Variants in CNTN4 observed in about 807,000 individuals in gnomAD.
The protein encoded by CNTN4 is contactin-4.
CNTN4 carries 77 observed loss-of-function variants against 122.5 expected under a neutral mutation model. The ratio of observed to expected loss-of-function variants is 0.63; its 90% CI spans 0.52 to 0.76. The LOEUF is 0.76. Ranked by LOEUF, CNTN4 falls within the 30% of genes least tolerant of loss-of-function variation. The pLI, the probability that CNTN4 is intolerant of heterozygous loss-of-function variation, is 0.00. For missense variants in CNTN4, 1,256 were observed against 1,259.1 expected (o/e 1.00, Z 0.04); for synonymous variants, 512 against 447.0 (o/e 1.15, Z -1.83).
rs898971790 is a variant in CNTN4 at position 2,709,891 on chromosome 3, C to T, written c.56-26324C>T. On this transcript the variant is annotated intron_variant, in intron 4 of 24. Transcript: ENST00000418658. This position sits in a 1 kb window ranked among gnomAD's most constrained non-coding sequence, Gnocchi z 5.0. Reference sequence around the variant, plus strand: ...CTCCAGCCTGGGTGACAGGGCAAGACCCTGTCTCAAACATATAAATACAAA... The same window carrying T: ...CTCCAGCCTGGGTGACAGGGCAAGATCCTGTCTCAAACATATAAATACAAA... Among the ~76,000 whole-genome samples, 1 of 151,926 alleles carries T rather than the reference C, an allele frequency of 6.6e-6. No individual in the cohort carries two copies. The highest frequency in any genetic ancestry group is 1.9e-4 in the East Asian group (1 of 5,168).
At chr3:2,729,710 C>T (rs148514438) in intron 4 of CNTN4, among the ~76,000 whole-genome samples, 2,055 of 151,966 alleles carry the variant, frequency 0.014, 40 homozygotes, top group African/African-American at 0.047. Context: ...GTCAGGAGTT[C>T]GAGACCGGCC....
At chr3:2,812,422 A>G (rs529702819) in intron 6 of CNTN4, among the ~76,000 whole-genome samples, 4 of 152,324 alleles carry the variant, frequency 2.6e-5, no homozygotes, top group South Asian at 4.1e-4. Context: ...TATCTTAAAT[A>G]TAAGTGTTAT....
intron 3 of CNTN4, among the ~76,000 whole-genome samples, chr3:2,478,437 T>A (rs2075892315): frequency 6.6e-6 from 1 of 151,686 alleles, no homozygotes; most frequent in South Asian, 2.1e-4. Flanking sequence ...AACTTTTATT[T>A]TAAGTTCAGA....
At chr3:2,446,199 G>C (rs1175472208) in intron 3 of CNTN4, among the ~76,000 whole-genome samples, 1 of 152,192 alleles carries the variant, frequency 6.6e-6, no homozygotes, top group African/African-American at 2.4e-5. Flanking sequence ...AGCTTAAGCA[G>C]TGGGAGACAT....
intron 2 of CNTN4, among the ~76,000 whole-genome samples, chr3:2,108,115 C>T (rs1398736860): frequency 6.6e-6 from 1 of 151,886 alleles, no homozygotes; most frequent in Non-Finnish European, 1.5e-5. Flanking sequence ...GGCTTGCAGA[C>T]CAACTGTAAC....
Position 3,037,191 on chromosome 3 carries a change from T to C in CNTN4, c.1955T>C (p.Ile652Thr), listed in dbSNP as rs554140467. 13 of 1,614,064 alleles carry C rather than the reference T, an allele frequency of 8.1e-6. No individual in the cohort carries two copies. Among genetic ancestry groups the C allele is most frequent in the South Asian group, 3.3e-5 (3 of 91,090 alleles). ...TGTTGTCTTTCAGTCCCAGAACTCATTGATGGGAAGACATTCACAGCGACC... is the reference window on the plus strand; with the variant it reads ...TGTTGTCTTTCAGTCCCAGAACTCACTGATGGGAAGACATTCACAGCGACC... ...WQAVSTVPEL[I>T]DGKTFTATVV... The change falls in exon 18 of 25, where the codon ATT becomes ACT. Residue 652 changes from isoleucine to threonine, a missense_variant. Physicochemically the swap from Ile to Thr is moderately conservative, Grantham distance 89 (BLOSUM62 -1). Transcript: ENST00000418658.
At chr3:2,189,958 C>T (rs2037449837) in intron 2 of CNTN4, among the ~76,000 whole-genome samples, 2 of 152,148 alleles carry the variant, frequency 1.3e-5, no homozygotes, top group South Asian at 2.1e-4. Flanking sequence ...GACACAAAGG[C>T]TTGGACCAGT....
chr3:2,626,981 T>C (rs914247168), intron 4 of CNTN4, among the ~76,000 whole-genome samples: 10 of 152,348 alleles, frequency 6.6e-5, no homozygotes, highest in African/African-American at 2.2e-4. Context: ...CCATACTCAG[T>C]CTGCCCTTGG....
chr3:2,604,649 G>C (rs549938297), intron 4 of CNTN4, among the ~76,000 whole-genome samples: 1 of 152,268 alleles, frequency 6.6e-6, no homozygotes, highest in East Asian at 1.9e-4. Flanking sequence ...GCCCTAAGCA[G>C]GATTCTGCTA....
Position 3,032,193 on chromosome 3 carries a change from T to C in CNTN4, c.1783+1218T>C, listed in dbSNP as rs549832565. ...AGGTAGATCTGCCCACAGAATAACT[T>C]ATAGAAATGTGTTTATTTCCATTTG... On this transcript the variant is annotated intron_variant, in intron 16 of 24. Transcript: ENST00000418658. 2.6e-5 allele frequency among the ~76,000 whole-genome samples: 4 copies of C among 152,310 alleles called. No homozygotes were observed. The East Asian group carries it at 7.7e-4, about 29-fold the overall frequency.
At chr3:2,834,437 A>G (rs2093171132) in intron 7 of CNTN4, among the ~76,000 whole-genome samples, 1 of 151,944 alleles carries the variant, frequency 6.6e-6, no homozygotes, top group African/African-American at 2.4e-5. Context: ...GTGGTGGTGC[A>G]TGTTTGTAAT....
intron 2 of CNTN4, among the ~76,000 whole-genome samples, chr3:2,123,641 A>G (rs755066458): frequency 6.6e-6 from 1 of 152,198 alleles, no homozygotes. Flanking sequence ...GAGATGCTGT[A>G]GTTTTCTAGC....
At chr3:3,040,858 C>T (rs1248647382) in intron 20 of CNTN4, among the ~76,000 whole-genome samples, 5 of 151,380 alleles carry the variant, frequency 3.3e-5, no homozygotes, top group Non-Finnish European at 4.4e-5. Context: ...ACCCAGGAGG[C>T]GGAGGTTGCG....
intron 3 of CNTN4, among the ~76,000 whole-genome samples, chr3:2,391,910 C>T (rs1051885107): frequency 6.6e-6 from 1 of 152,136 alleles, no homozygotes; most frequent in African/African-American, 2.4e-5. Context: ...TAGGGGCTTC[C>T]AGTCTACTCT....
chr3:2,449,679 A>T (rs2048754044), intron 3 of CNTN4, among the ~76,000 whole-genome samples: 1 of 151,936 alleles, frequency 6.6e-6, no homozygotes, highest in African/African-American at 2.4e-5. Flanking sequence ...ATTCTTTTGG[A>T]CATATATCCA....
chr3:2,821,659 G>T (rs2092877483), intron 7 of CNTN4, among the ~76,000 whole-genome samples: 1 of 152,136 alleles, frequency 6.6e-6, no homozygotes, highest in Non-Finnish European at 1.5e-5. Flanking sequence ...CGGCTAAAAG[G>T]AACTACGATG....
chr3:2,280,075 G>C (rs11713568), intron 2 of CNTN4, among the ~76,000 whole-genome samples: 90,371 of 151,656 alleles, frequency 0.6, 28,227 homozygotes, highest in South Asian at 0.74. Flanking sequence ...AGGTTTTCTT[G>C]AACATCAGAT....
chr3:2,593,352 T>G (rs746212703), intron 4 of CNTN4, among the ~76,000 whole-genome samples: 4 of 152,208 alleles, frequency 2.6e-5, no homozygotes, highest in African/African-American at 4.8e-5. Flanking sequence ...TGAATCTACC[T>G]CTGTTAACCT....
At chr3:2,826,971 G>T (rs111292019) in intron 7 of CNTN4, among the ~76,000 whole-genome samples, 1 of 152,132 alleles carries the variant, frequency 6.6e-6, no homozygotes, top group Non-Finnish European at 1.5e-5. Flanking sequence ...ACCCAAAGGC[G>T]CATGAAATCC....
Sources: gnomAD v4.1 joint callset for allele counts (sites outside exome capture counted in the v4.1 genomes callset) on GRCh38, gnomAD v4.1.1 for gene constraint, Gnocchi (gnomAD v3.1) non-coding constraint, MANE v1.5 for transcripts, NCBI Gene and HGNC (gene_info 2026-07-23, HGNC 2026-07-21) for gene names.